The following UGGT2 variants were observed in gnomAD, a reference collection of about 807,000 sequenced individuals.
UGGT2 encodes UDP-glucose:glycoprotein glucosyltransferase 2.
In UGGT2, 180 loss-of-function variants were observed where a neutral mutation model predicts 192.1. The observed-to-expected ratio is 0.94, with a 90% CI of 0.83 to 1.06. The LOEUF (loss-of-function observed/expected upper bound fraction) is 1.06, where lower values mean the gene tolerates loss of function less well. Ranked by LOEUF, UGGT2 falls within the 50% of genes least tolerant of loss-of-function variation. UGGT2 has a pLI of 0.00. For synonymous variants in UGGT2, 580 were observed against 591.0 expected, an observed-to-expected ratio of 0.98 and a Z score of 0.27; for missense variants, 1,849 against 1,795.7, an observed-to-expected ratio of 1.03 and a Z score of -0.54.
chr13:95,903,266 G>A (rs958805772), intron 20 of UGGT2, among the ~76,000 whole-genome samples: 1 of 152,026 alleles, frequency 6.6e-6, no homozygotes, highest in African/African-American at 2.4e-5. Context: ...TCAGATATTT[G>A]CATAATGATT....
intron 36 of UGGT2, among the ~76,000 whole-genome samples, chr13:95,845,651 G>A (rs1293299731): frequency 1.3e-5 from 2 of 151,854 alleles, no homozygotes; most frequent in East Asian, 1.9e-4. Flanking sequence ...AACCGCCATC[G>A]TCATCATGGC....
chr13:95,866,136 A>G (rs1890634322), intron 30 of UGGT2, among the ~76,000 whole-genome samples: 1 of 152,012 alleles, frequency 6.6e-6, no homozygotes, highest in Non-Finnish European at 1.5e-5. Flanking sequence ...CCAACTTGCT[A>G]ATTTTCTCTG....
intron 20 of UGGT2, among the ~76,000 whole-genome samples, chr13:95,924,465 G>A (rs2048957324): frequency 8.1e-6 from 1 of 123,298 alleles, no homozygotes; most frequent in African/African-American, 3.1e-5. Flanking sequence ...AAGCCTAAAT[G>A]CATTCTGACA....
intron 33 of UGGT2, among the ~76,000 whole-genome samples, chr13:95,858,721 C>T (rs961561641): frequency 5.9e-5 from 9 of 152,060 alleles, no homozygotes; most frequent in African/African-American, 2.2e-4. Context: ...TATATAAATC[C>T]TTATAGTAAG....
In UGGT2 at chr13:95,914,612, T is replaced by TAAA. The variant is rs146990164; in HGVS notation, c.2295+11065_2295+11067dup. Among the ~76,000 whole-genome samples the TAAA allele has an allele frequency of 6.3e-4, 51 of 80,998 alleles. 4 individuals are homozygous for TAAA. The highest frequency in any genetic ancestry group is 8.5e-4 in the African/African-American group (17 of 19,972). The allele number at this position is 80,998 out of a possible 152,430, so 53.1% of individuals were successfully genotyped here. On this transcript the variant is annotated intron_variant, in intron 20 of 38. Transcript: ENST00000376747. Reference sequence around the variant, plus strand: ...CATTATGGTGAAACTCCATCTCTACTAAAAAAAAAAAAAAAAAAAAAAAAA... The same window carrying TAAA: ...CATTATGGTGAAACTCCATCTCTACTAAAAAAAAAAAAAAAAAAAAAAAAAAAA...
At chr13:95,988,237 T>C (rs988779408) in intron 8 of UGGT2, among the ~76,000 whole-genome samples, 1 of 152,132 alleles carries the variant, frequency 6.6e-6, no homozygotes, top group African/African-American at 2.4e-5. Flanking sequence ...TTAAACTTTT[T>C]AGTTTGTGTG....
Position 95,957,006 on chromosome 13 carries a change from C to G in UGGT2, c.1336-7552G>C, listed in dbSNP as rs140408772. 4.5e-4 allele frequency among the ~76,000 whole-genome samples: 69 copies of G among 152,246 alleles called. 1 individual carries two copies. The East Asian group carries it at 0.012, about 27-fold the overall frequency. On this transcript the variant is annotated intron_variant, in intron 12 of 38. Coordinates refer to ENST00000376747, the MANE Select transcript of UGGT2 (RefSeq NM_020121.4). ...AATATTATTCAGTCTTAAAAAGGAA[C>G]AAAATTCTGATACATGCTACAACAT...
chr13:95,877,994 G>A, intron 27 of UGGT2, 138 bp from the exon 28 acceptor site: 1 of 830,214 alleles, frequency 1.2e-6, no homozygotes, highest in East Asian at 2.8e-5. Flanking sequence ...TTACACATGA[G>A]TGAATTCATG....
At position 95,892,174 on chromosome 13, in the gene UGGT2, A is replaced by G. The variant is rs2047820084; in HGVS notation, c.2856-1210T>C. ...AGATGTAATTATGGTTTCAGCATGC[A>G]CCTGTTTACTGCTGCTTTTTTCTCC... is the stretch of plus-strand genomic sequence containing the variant. On this transcript the variant is annotated intron_variant, in intron 24 of 38. Transcript: ENST00000376747. 2.0e-5 allele frequency among the ~76,000 whole-genome samples: 3 copies of G among 152,106 alleles called. No homozygotes were observed. The South Asian group carries it at 6.2e-4, about 31-fold the overall frequency.
At chr13:95,936,201 T>A (rs2049457691) in intron 17 of UGGT2, among the ~76,000 whole-genome samples, 1 of 152,246 alleles carries the variant, frequency 6.6e-6, no homozygotes, top group African/African-American at 2.4e-5. Context: ...AAATTCTTTC[T>A]CCTGCTTGGT....
At chr13:95,895,456 A>G in intron 22 of UGGT2, 152 bp from the exon 23 acceptor site, 1 of 435,222 alleles carries the variant, frequency 2.3e-6, no homozygotes, top group African/African-American at 2.1e-5. Context: ...TTTACTAAAT[A>G]CGCTAGGAAA....
intron 10 of UGGT2, among the ~76,000 whole-genome samples, chr13:95,980,172 G>GA (rs368248491): frequency 6.6e-6 from 1 of 152,110 alleles, no homozygotes; most frequent in Admixed American, 6.6e-5. Flanking sequence ...GTCATTATAT[G>GA]AAAAAGATAC....
In UGGT2 at chr13:95,947,114, C is replaced by T. The variant is rs777913755; in HGVS notation, c.1600G>A (p.Gly534Arg). Residue 534 changes from glycine (G) to arginine (R), a missense_variant, in exon 15 of 39, where the codon GGA becomes AGA. Transcript: ENST00000376747. Reference protein sequence around the residue: ...DDEVDGANDAGVALWRAFNYI... With the variant: ...DDEVDGANDARVALWRAFNYI... The stretch of plus-strand genomic sequence containing the variant: ...TTGAAAGCTCGCCAGAGAGCAACTC[C>T]AGCATCATTTGCTCCATCAACTTCA... The T allele has an allele frequency of 6.2e-7, 1 of 1,611,432 alleles. No homozygotes were observed. The highest frequency in any genetic ancestry group is 1.3e-5 in the African/African-American group (1 of 74,930).
chr13:95,977,270 C>T (rs768077563), intron 10 of UGGT2, among the ~76,000 whole-genome samples: 2 of 152,098 alleles, frequency 1.3e-5, no homozygotes, highest in Non-Finnish European at 2.9e-5. Flanking sequence ...AGGCAACCTA[C>T]AGAATGGGAG....
intron 20 of UGGT2, among the ~76,000 whole-genome samples, chr13:95,904,209 G>A (rs139231561): frequency 1.3e-5 from 2 of 151,822 alleles, no homozygotes; most frequent in Admixed American, 1.3e-4. Flanking sequence ...TCCATTTATT[G>A]GTATTATACC....
At chr13:95,857,970 T>C (rs1889772072) in intron 33 of UGGT2, among the ~76,000 whole-genome samples, 1 of 151,334 alleles carries the variant, frequency 6.6e-6, no homozygotes, top group South Asian at 2.1e-4. Flanking sequence ...TAGTATAACT[T>C]CTTATCTATA....
intron 1 of UGGT2, among the ~76,000 whole-genome samples, chr13:96,052,120 TG>T (rs1298309158): frequency 6.6e-6 from 1 of 152,226 alleles, no homozygotes; most frequent in Non-Finnish European, 1.5e-5. Flanking sequence ...ATATATATGA[TG>T]GAACACTACT....
At chr13:95,920,383 G>A (rs1006922400) in intron 20 of UGGT2, among the ~76,000 whole-genome samples, 2 of 152,038 alleles carry the variant, frequency 1.3e-5, no homozygotes, top group Non-Finnish European at 2.9e-5. Context: ...CTTCTGCACA[G>A]CAAAAGAAAC....
chr13:95,995,060 T>C (rs1377690382), intron 7 of UGGT2, among the ~76,000 whole-genome samples: 1 of 152,110 alleles, frequency 6.6e-6, no homozygotes, highest in Non-Finnish European at 1.5e-5. Context: ...ATAACAGTTG[T>C]ATCTAATGAA....
Sources: gnomAD v4.1 joint callset for allele counts (sites outside exome capture counted in the v4.1 genomes callset) on GRCh38, gnomAD v4.1.1 for gene constraint, MANE v1.5 for transcripts, NCBI Gene and HGNC (gene_info 2026-07-23, HGNC 2026-07-21) for gene names.